The following EP400 variants were observed in gnomAD, a reference collection of about 807,000 sequenced individuals.
EP400 encodes the protein E1A-binding protein p400.
A neutral mutation model predicts 354.1 loss-of-function variants in EP400; 105 were observed. That is an observed-to-expected ratio of 0.30 (90% CI 0.25 to 0.35). EP400 has a LOEUF of 0.35. Ranked by LOEUF, EP400 falls within the 10% of genes least tolerant of loss-of-function variation. The pLI is 1.00. For missense variants in EP400, 3,280 were observed against 4,121.0 expected (o/e 0.80, Z 5.59); for synonymous variants, 1,646 against 1,716.9 (o/e 0.96, Z 1.02).
chr12:132,045,628 C>T, intron 38 of EP400, 68 bp downstream of exon 38: 2 of 1,604,168 alleles, frequency 1.2e-6, no homozygotes, highest in Non-Finnish European at 1.7e-6. Context: ...TCCGTGCATC[C>T]AGCTCACTGT....
rs200668454 is a variant in EP400 at position 131,990,092 on chromosome 12, G to T, written c.2538G>T (p.Ser846=). 1.6e-5 allele frequency: 25 copies of T among 1,609,446 alleles called. 1 individual carries two copies. The East Asian group carries it at 5.1e-4, about 33-fold the overall frequency. ...CCCGGGAGATAGAGTGCTTTTGGTC[G>T]AATATTGAACAGGCGAGTGCTGCCG... is the stretch of plus-strand genomic sequence containing the variant. ...STAREIECFW[S]NIEQVVEIKL... Residue 846 remains serine (S), a synonymous_variant, in exon 8 of 53, where the codon TCG becomes TCT. Transcript: ENST00000389561. This position sits in a 1 kb window ranked among gnomAD's most constrained non-coding sequence, Gnocchi z 4.2.
At chr12:131,962,662 C>T (rs539622733) in intron 2 of EP400, among the ~76,000 whole-genome samples, 76 of 152,188 alleles carry the variant, frequency 5.0e-4, no homozygotes, top group Non-Finnish European at 3.2e-4. Flanking sequence ...TTTTTGGGTG[C>T]CTGGAATGGC....
intron 21 of EP400, 109 bp from the exon 22 acceptor site, chr12:132,019,940 C>A: frequency 8.3e-7 from 1 of 1,208,106 alleles, no homozygotes; most frequent in Non-Finnish European, 1.1e-6. Context: ...GGTGCTGGTC[C>A]CTGAGCTGGC....
At chr12:131,955,542 A>G (rs1356415807) in intron 1 of EP400, among the ~76,000 whole-genome samples, 1 of 152,156 alleles carries the variant, frequency 6.6e-6, no homozygotes, top group African/African-American at 2.4e-5. Flanking sequence ...TCAGCCTCCC[A>G]AAGTGTTGGG....
Position 132,005,202 on chromosome 12 carries a change from G to A in EP400, c.2935+18G>A. 1.3e-6 allele frequency: 2 copies of A among 1,536,558 alleles called. No homozygotes were observed. The highest frequency in any genetic ancestry group is 1.8e-6 in the Non-Finnish European group (2 of 1,135,702). On this transcript the variant is annotated intron_variant, in intron 13 of 52. Transcript: ENST00000389561. ...AGAGGAAGGTGCGCTCCCAGCCTTTGGAAGAATTCAGGGTTAAAAGCAGAA... is the reference window on the plus strand; with the variant it reads ...AGAGGAAGGTGCGCTCCCAGCCTTTAGAAGAATTCAGGGTTAAAAGCAGAA...
Position 132,018,470 on chromosome 12 carries a change from G to A in EP400, c.4277+94G>A. The A allele has an allele frequency of 3.4e-6, 5 of 1,487,314 alleles. No individual in the cohort carries two copies. Among genetic ancestry groups the A allele is most frequent in the Non-Finnish European group, 4.5e-6 (5 of 1,115,528 alleles). The allele number at this position is 1,487,314 out of a possible 1,614,324, so 92.1% of individuals were successfully genotyped here. The stretch of plus-strand genomic sequence containing the variant: ...CGTGGTGAAAAGAAAGGCTGCTAAT[G>A]TAGTTAGGTTATCTGCTGCTCTTGG... On this transcript the variant is annotated intron_variant, in intron 21 of 52. Transcript: ENST00000389561. The surrounding 1 kb of genome is among the most constrained non-coding windows in gnomAD (Gnocchi z 4.0).
In EP400 at chr12:131,982,187, C is replaced by T. The variant is rs200878498; in HGVS notation, c.1638C>T (p.Asn546=). The change falls in exon 5 of 53, where the codon AAC becomes AAT. Residue 546 remains asparagine (N), a synonymous_variant. Coordinates refer to ENST00000389561, the MANE Select transcript of EP400 (RefSeq NM_015409.5). ...YDPSTGPPVQ[N]AASLHTPLPQ... ...CCTCCACGGGGCCTCCCGTGCAGAA[C>T]GCTGCCAGCTTGCACACCCCACTGC... The T allele has an allele frequency of 4.1e-5, 66 of 1,613,278 alleles. 1 individual carries two copies. Among genetic ancestry groups the T allele is most frequent in the East Asian group, 1.1e-4 (5 of 44,878 alleles).
At position 132,021,178 on chromosome 12, in the gene EP400, C is replaced by T. The variant is rs778410362; in HGVS notation, c.4547C>T (p.Ala1516Val). The change falls in exon 23 of 53, where the codon GCG becomes GTG. Residue 1516 changes from alanine to valine, a missense_variant. This residue lies in a region of EP400 where 342 missense variants were observed against 342.7 expected (regional missense o/e 1.00). Coordinates refer to ENST00000389561, the MANE Select transcript of EP400 (RefSeq NM_015409.5). Reference protein sequence around the residue: ...SSTAASPAHPAKLRAQTTAQA... With the variant: ...SSTAASPAHPVKLRAQTTAQA... Reference sequence around the variant, plus strand: ...ACAGCCGCTAGCCCGGCCCATCCTGCGAAACTGCGGGCCCAGACCACAGCA... The same window carrying T: ...ACAGCCGCTAGCCCGGCCCATCCTGTGAAACTGCGGGCCCAGACCACAGCA... 2.2e-5 allele frequency: 35 copies of T among 1,601,038 alleles called. No individual in the cohort carries two copies. In the East Asian group the frequency reaches 3.6e-4, roughly 16 times the overall value.
Position 132,029,735 on chromosome 12 carries a change from C to G in EP400, c.5416C>G (p.Pro1806Ala). ...AFVIPPVVAA[P>A]PSLRVPRPPP... The stretch of plus-strand genomic sequence containing the variant: ...TGTGATTCCTCCGGTGGTGGCAGCA[C>G]CCCCGTCCCTACGGGTGCCGCGGCC... Residue 1806 changes from proline (P) to alanine (A), a missense_variant, in exon 28 of 53, where the codon CCC becomes GCC. Physicochemically the swap from Pro to Ala is conservative, Grantham distance 27. Coordinates refer to ENST00000389561, the MANE Select transcript of EP400 (RefSeq NM_015409.5). This position sits in a 1 kb window ranked among gnomAD's most constrained non-coding sequence, Gnocchi z 4.7. The G allele has an allele frequency of 6.2e-7, 1 of 1,613,246 alleles. No homozygotes were observed. Among genetic ancestry groups the G allele is most frequent in the East Asian group, 2.2e-5 (1 of 44,884 alleles).
intron 51 of EP400, 124 bp from the exon 52 acceptor site, chr12:132,076,392 G>T: frequency 1.1e-6 from 1 of 944,568 alleles, no homozygotes. Flanking sequence ...TACGAGAATT[G>T]CTCTTCTGTG....
intron 12 of EP400, among the ~76,000 whole-genome samples, chr12:132,001,977 G>A (rs934609737): frequency 1.1e-4 from 16 of 152,244 alleles, no homozygotes; most frequent in Non-Finnish European, 2.2e-4. Flanking sequence ...GGAACAGCTC[G>A]TGCCCTCGGT....
Position 132,025,509 on chromosome 12 carries a change from A to C in EP400, c.4856-137A>C. ...GTTGCCACTTTCCTCACAGTAACTG[A>C]ACTTTGCATTGATTTTTTTGTGTAG... On this transcript the variant is annotated intron_variant, in intron 24 of 52. Transcript: ENST00000389561. This position sits in a 1 kb window ranked among gnomAD's most constrained non-coding sequence, Gnocchi z 4.1. The C allele has an allele frequency of 9.5e-7, 1 of 1,052,758 alleles. No homozygotes were observed. Among genetic ancestry groups the C allele is most frequent in the Non-Finnish European group, 1.3e-6 (1 of 758,304 alleles). The allele number at this position is 1,052,758 out of a possible 1,614,324, so 65.2% of individuals were successfully genotyped here. A position where few individuals can be genotyped will look rare whatever the true frequency, so the allele number is the denominator to read the frequency against.
chr12:132,030,961 G>A (rs984848349), intron 29 of EP400, among the ~76,000 whole-genome samples: 19 of 152,160 alleles, frequency 1.2e-4, no homozygotes, highest in Non-Finnish European at 7.4e-5. Context: ...CCTGTAAGTC[G>A]CGCAGCCTGC....
rs1177651994 is a variant in EP400 at position 132,054,813 on chromosome 12, G to A, written c.7729-161G>A. 6.6e-6 allele frequency among the ~76,000 whole-genome samples: 1 copy of A among 152,204 alleles called. No homozygotes were observed. ...GAGGGACAGCAGGTAGACAGAGGGT[G>A]GGGGCACCGCCAGGTGGAATGAGCT... On this transcript the variant is annotated intron_variant, in intron 43 of 52. Coordinates refer to ENST00000389561, the MANE Select transcript of EP400 (RefSeq NM_015409.5). This position sits in a 1 kb window ranked among gnomAD's most constrained non-coding sequence, Gnocchi z 4.0.
chr12:132,043,615 C>A, intron 33 of EP400, 30 bp from the exon 34 acceptor site: 1 of 1,590,868 alleles, frequency 6.3e-7, no homozygotes, highest in Non-Finnish European at 8.6e-7. Context: ...TTGCTATTAA[C>A]CCTATTCAAA....
chr12:132,043,514 T>C, intron 33 of EP400, 52 bp downstream of exon 33: 1 of 1,595,504 alleles, frequency 6.3e-7, no homozygotes, highest in South Asian at 1.1e-5. Flanking sequence ...TTGACGCTTC[T>C]ATAAAATATT....
intron 5 of EP400, among the ~76,000 whole-genome samples, chr12:131,983,438 T>A (rs1230343735): frequency 6.6e-6 from 1 of 152,234 alleles, no homozygotes; most frequent in Non-Finnish European, 1.5e-5. Context: ...TTACCCAGTG[T>A]GTTTTTGGGA....
chr12:132,008,316 C>T (rs752560418), intron 15 of EP400, among the ~76,000 whole-genome samples: 29 of 152,188 alleles, frequency 1.9e-4, no homozygotes, highest in Admixed American at 3.3e-4. Context: ...TTGTTGAATA[C>T]GTCTTCCTTG....
In EP400 at chr12:132,078,404, T is replaced by C. The variant is rs1896300796; in HGVS notation, c.*731T>C. On this transcript the variant is annotated 3_prime_UTR_variant, in exon 53 of 53. Transcript: ENST00000389561. ...TACCCTGCAATGGGATTCGCTTTCA[T>C]TTAATGGAAACTTCTGGGACTGATG... is the stretch of plus-strand genomic sequence containing the variant. 2.6e-5 allele frequency: 4 copies of C among 152,338 alleles called. No individual in the cohort carries two copies. Among genetic ancestry groups the C allele is most frequent in the Admixed American group, 1.3e-4 (2 of 15,284 alleles). 9.4% of individuals were successfully genotyped at this position (152,338 alleles called of 1,614,324 possible).
Sources: allele counts gnomAD v4.1 joint callset (sites outside exome capture counted in the v4.1 genomes callset), GRCh38; gene constraint gnomAD v4.1.1; regional missense constraint gnomAD v4.1.1; non-coding constraint Gnocchi (gnomAD v3.1); transcripts MANE v1.5; gene names NCBI Gene and HGNC (gene_info 2026-07-23, HGNC 2026-07-21).